Variants in GALNTL6 observed in about 807,000 individuals in gnomAD.
GALNTL6 encodes polypeptide N-acetylgalactosaminyltransferase like 6, also known as polypeptide N-acetylgalactosaminyltransferase-like 6.
A neutral mutation model predicts 73.7 loss-of-function variants in GALNTL6; 46 were observed. That is an observed-to-expected ratio of 0.62 (90% CI 0.49 to 0.80). The LOEUF is 0.80. Among genes scored for constraint, GALNTL6 ranks in the 30% least tolerant of loss-of-function variants. The pLI, the probability that GALNTL6 is intolerant of heterozygous loss-of-function variation, is 0.00. For missense variants in GALNTL6, 604 were observed against 755.0 expected (o/e 0.80, Z 2.34); for synonymous variants, 259 against 263.7 (o/e 0.98, Z 0.17).
chr4:172,102,553 C>T (rs1185001150), intron 2 of GALNTL6, among the ~76,000 whole-genome samples: 1 of 150,844 alleles, frequency 6.6e-6, no homozygotes, highest in Non-Finnish European at 1.5e-5. Context: ...TATTTCCACA[C>T]CTAATAACAA....
At chr4:172,405,433 ATATATATATATTTTTTTTTTTTTTTTT>A (rs1279640687) in intron 5 of GALNTL6, among the ~76,000 whole-genome samples, 2 of 6,408 alleles carry the variant, frequency 3.1e-4, no homozygotes, top group African/African-American at 5.8e-4. Flanking sequence ...ATATATATAT[ATATATATATATTTTTTTTTTTTTTTTT>A]TTTTTTCTCC....
At chr4:172,377,932 C>T (rs1743105621) in intron 5 of GALNTL6, among the ~76,000 whole-genome samples, 1 of 151,818 alleles carries the variant, frequency 6.6e-6, no homozygotes, top group Non-Finnish European at 1.5e-5. Flanking sequence ...CTCCACACCT[C>T]CCCACAAGCA....
intron 2 of GALNTL6, among the ~76,000 whole-genome samples, chr4:172,118,353 A>C (rs1733044534): frequency 6.6e-6 from 1 of 152,178 alleles, no homozygotes; most frequent in Non-Finnish European, 1.5e-5. Context: ...ATAAAGCATT[A>C]GATAATTATA....
At chr4:171,993,914 A>G (rs1328894537) in intron 2 of GALNTL6, among the ~76,000 whole-genome samples, 1 of 152,014 alleles carries the variant, frequency 6.6e-6, no homozygotes, top group Non-Finnish European at 1.5e-5. Context: ...AAATACTTTT[A>G]TGACAGATGA....
chr4:172,719,702 C>G (rs887161105), intron 5 of GALNTL6, among the ~76,000 whole-genome samples: 1 of 151,958 alleles, frequency 6.6e-6, no homozygotes, highest in Non-Finnish European at 1.5e-5. Context: ...AGGTCTGGAT[C>G]CAGACCCCAA....
Position 172,809,571 on chromosome 4 carries a change from T to C in GALNTL6, c.739+25T>C. On this transcript the variant is annotated intron_variant, in intron 6 of 12. Coordinates refer to ENST00000506823, the MANE Select transcript of GALNTL6 (RefSeq NM_001034845.3). The surrounding 1 kb of genome is among the most constrained non-coding windows in gnomAD (Gnocchi z 4.4). ...AGTGAGTACAGGTTGCTAAGCACCATCCTGGGATGCCTCAGGGGAACTGAG... is the reference window on the plus strand; with the variant it reads ...AGTGAGTACAGGTTGCTAAGCACCACCCTGGGATGCCTCAGGGGAACTGAG... The C allele has an allele frequency of 6.4e-7, 1 of 1,573,624 alleles. No individual in the cohort carries two copies.
chr4:172,769,353 A>G (rs541557261), intron 5 of GALNTL6, among the ~76,000 whole-genome samples: 2 of 152,356 alleles, frequency 1.3e-5, no homozygotes, highest in South Asian at 2.1e-4. Flanking sequence ...ATCAAAGGCA[A>G]GAAGAATTTT....
chr4:172,865,616 A>G (rs1183679061), intron 7 of GALNTL6, among the ~76,000 whole-genome samples: 1 of 152,220 alleles, frequency 6.6e-6, no homozygotes, highest in Admixed American at 6.5e-5. Flanking sequence ...AACTTTTAAA[A>G]TATACACATA....
intron 2 of GALNTL6, among the ~76,000 whole-genome samples, chr4:172,182,776 G>A (rs534799953): frequency 1.2e-4 from 18 of 151,986 alleles, no homozygotes; most frequent in Admixed American, 8.5e-4. Flanking sequence ...ATGACAAACC[G>A]TAAATTCATA....
chr4:171,996,565 G>A (rs1579044391), intron 2 of GALNTL6, among the ~76,000 whole-genome samples: 2 of 152,094 alleles, frequency 1.3e-5, no homozygotes, highest in East Asian at 3.9e-4. Context: ...AATGTTAAAA[G>A]ATGCTGTTAC....
chr4:172,344,976 A>G (rs577193776), intron 4 of GALNTL6, among the ~76,000 whole-genome samples: 71 of 152,190 alleles, frequency 4.7e-4, no homozygotes, highest in Non-Finnish European at 9.7e-4. Flanking sequence ...GTAAACAACA[A>G]TGACCGTAAT....
intron 7 of GALNTL6, among the ~76,000 whole-genome samples, chr4:172,816,006 T>C (rs1439300495): frequency 6.6e-6 from 1 of 152,202 alleles, no homozygotes; most frequent in East Asian, 1.9e-4. Context: ...GTCACCTGAA[T>C]GTGCTCATAA....
intron 3 of GALNTL6, among the ~76,000 whole-genome samples, chr4:172,242,305 A>G (rs1230649078): frequency 1.3e-5 from 2 of 151,848 alleles, no homozygotes; most frequent in East Asian, 3.9e-4. Flanking sequence ...TAATCCATTC[A>G]GAGATGTGTG....
chr4:172,214,180 C>T (rs1003648686), intron 2 of GALNTL6, among the ~76,000 whole-genome samples: 3 of 152,182 alleles, frequency 2.0e-5, no homozygotes, highest in African/African-American at 7.2e-5. Context: ...GTGACAATAC[C>T]ATGTGTCTTG....
At chr4:172,512,990 C>A (rs1328778672) in intron 5 of GALNTL6, among the ~76,000 whole-genome samples, 1 of 151,982 alleles carries the variant, frequency 6.6e-6, no homozygotes, top group African/African-American at 2.4e-5. Flanking sequence ...TATTTGGATG[C>A]CTAAATCTCC....
intron 2 of GALNTL6, among the ~76,000 whole-genome samples, chr4:171,934,750 G>T (rs28368507): frequency 0.018 from 2,749 of 152,148 alleles, 83 homozygotes; most frequent in African/African-American, 0.063. Context: ...CTAACGAAGT[G>T]GTTCATTTGG....
intron 5 of GALNTL6, among the ~76,000 whole-genome samples, chr4:172,726,318 C>A (rs1560908105): frequency 6.6e-6 from 1 of 152,270 alleles, no homozygotes; most frequent in African/African-American, 2.4e-5. Flanking sequence ...AAACTTCTGC[C>A]GACCCCCGAG....
At chr4:172,862,189 G>T (rs1283328258) in intron 7 of GALNTL6, among the ~76,000 whole-genome samples, 1 of 152,202 alleles carries the variant, frequency 6.6e-6, no homozygotes, top group East Asian at 1.9e-4. Flanking sequence ...TGCTGATAGT[G>T]ATATGGACAA....
intron 5 of GALNTL6, among the ~76,000 whole-genome samples, chr4:172,772,227 T>C (rs758360232): frequency 6.6e-6 from 1 of 152,182 alleles, no homozygotes; most frequent in Non-Finnish European, 1.5e-5. Context: ...AAATGAGATT[T>C]GTGTGGGGAC....
Sources: allele counts gnomAD v4.1 joint callset (sites outside exome capture counted in the v4.1 genomes callset), GRCh38; gene constraint gnomAD v4.1.1; non-coding constraint Gnocchi (gnomAD v3.1); transcripts MANE v1.5; gene names NCBI Gene and HGNC (gene_info 2026-07-23, HGNC 2026-07-21).